NRXN3: variants seen among roughly 807,000 people sequenced by gnomAD.
NRXN3 encodes the protein neurexin 3.
A neutral mutation model predicts 137.6 loss-of-function variants in NRXN3; 32 were observed. That is an observed-to-expected ratio of 0.23 (90% CI 0.18 to 0.31). The LOEUF (loss-of-function observed/expected upper bound fraction) is 0.31, where lower values mean the gene tolerates loss of function less well. Ranked by LOEUF, NRXN3 falls within the 10% of genes least tolerant of loss-of-function variation. NRXN3 has a pLI of 1.00. For synonymous variants in NRXN3, 798 were observed against 784.5 expected, an observed-to-expected ratio of 1.02 and a Z score of -0.29; for missense variants, 1,574 against 2,062.5, an observed-to-expected ratio of 0.76 and a Z score of 4.59.
rs138526201 is a variant in NRXN3 at position 79,527,122 on chromosome 14, C to T, written c.3444+59720C>T. Among the ~76,000 whole-genome samples the T allele has an allele frequency of 1.0e-3, 159 of 151,592 alleles. 1 individual carries two copies. The highest frequency in any genetic ancestry group is 3.4e-3 in the Middle Eastern group (1 of 294). ...CAGCCTGGCAAACATGGTGAAACCC[C>T]GTCTCTACTAAAAATACAAAAATTA... On this transcript the variant is annotated intron_variant, in intron 16 of 20. Coordinates refer to ENST00000335750, the MANE Select transcript of NRXN3 (RefSeq NM_001330195.2).
At chr14:78,263,518 G>A (rs1485441736) in intron 2 of NRXN3, among the ~76,000 whole-genome samples, 1 of 152,042 alleles carries the variant, frequency 6.6e-6, no homozygotes, top group African/African-American at 2.4e-5. Flanking sequence ...AACAGTACGG[G>A]GGTCATATAA....
intron 4 of NRXN3, among the ~76,000 whole-genome samples, chr14:78,545,542 A>G (rs2096629686): frequency 1.3e-5 from 2 of 152,232 alleles, no homozygotes; most frequent in Non-Finnish European, 2.9e-5. Flanking sequence ...AGAAATGTAT[A>G]CAAGTTTTTC....
chr14:79,327,075 C>G (rs923569731), intron 15 of NRXN3, among the ~76,000 whole-genome samples: 1 of 152,164 alleles, frequency 6.6e-6, no homozygotes, highest in East Asian at 1.9e-4. Context: ...CCTTCTTTCC[C>G]TCGCTCCCTT....
At chr14:78,396,943 A>T (rs1278602843) in intron 4 of NRXN3, among the ~76,000 whole-genome samples, 2 of 152,170 alleles carry the variant, frequency 1.3e-5, no homozygotes, top group African/African-American at 4.8e-5. Context: ...TGGCTTACAG[A>T]TGAGAGAGTT....
At chr14:79,735,615 C>G (rs752142698) in intron 19 of NRXN3, among the ~76,000 whole-genome samples, 1 of 152,182 alleles carries the variant, frequency 6.6e-6, no homozygotes, top group Non-Finnish European at 1.5e-5. Context: ...ACTTCACACA[C>G]AGCCACTGTC....
At chr14:79,472,217 T>A (rs1467124737) in intron 16 of NRXN3, among the ~76,000 whole-genome samples, 1 of 152,190 alleles carries the variant, frequency 6.6e-6, no homozygotes, top group African/African-American at 2.4e-5. Flanking sequence ...TATTTCATGA[T>A]TTGCTCAGAT....
intron 17 of NRXN3, among the ~76,000 whole-genome samples, chr14:79,685,117 T>G (rs2098689557): frequency 2.0e-5 from 3 of 152,184 alleles, no homozygotes; most frequent in Admixed American, 2.0e-4. Context: ...GAAGTAATTC[T>G]TGTGGAGTTT....
chr14:78,331,594 AG>A (rs1567282124), intron 4 of NRXN3, among the ~76,000 whole-genome samples: 1 of 152,228 alleles, frequency 6.6e-6, no homozygotes, highest in Non-Finnish European at 1.5e-5. Context: ...GACCAATTAT[AG>A]TTGAATATAA....
chr14:79,691,835 A>T (rs944592835), intron 17 of NRXN3, among the ~76,000 whole-genome samples: 2 of 152,092 alleles, frequency 1.3e-5, no homozygotes, highest in Non-Finnish European at 1.5e-5. Flanking sequence ...GTCATGGGTC[A>T]AGGAGATCCT....
chr14:78,380,570 T>C (rs1429959670), intron 4 of NRXN3, among the ~76,000 whole-genome samples: 1 of 152,124 alleles, frequency 6.6e-6, no homozygotes, highest in Non-Finnish European at 1.5e-5. Context: ...CCAAGAAATG[T>C]TACCAGTGCC....
At chr14:79,489,718 C>G (rs538453288) in intron 16 of NRXN3, among the ~76,000 whole-genome samples, 2 of 152,160 alleles carry the variant, frequency 1.3e-5, no homozygotes, top group East Asian at 3.9e-4. Flanking sequence ...AACCCTTCAC[C>G]AGAAGCAAAT....
At chr14:78,702,798 C>A in intron 6 of NRXN3, among the ~76,000 whole-genome samples, 1 of 152,140 alleles carries the variant, frequency 6.6e-6, no homozygotes, top group Non-Finnish European at 1.5e-5. Flanking sequence ...TTTATTCTGG[C>A]TTTTCTCAGT....
intron 10 of NRXN3, among the ~76,000 whole-genome samples, chr14:78,934,926 G>A (rs150661577): frequency 7.1e-4 from 108 of 151,590 alleles, no homozygotes; most frequent in Middle Eastern, 3.4e-3. Context: ...AGACCTACAC[G>A]TTGTGCACAT....
intron 15 of NRXN3, among the ~76,000 whole-genome samples, chr14:79,145,834 T>C (rs531652195): frequency 1.3e-5 from 2 of 152,328 alleles, no homozygotes. Context: ...CTTGAAATAA[T>C]TGGCAAGAGG....
chr14:79,358,418 AAC>A (rs2093509344), intron 15 of NRXN3, among the ~76,000 whole-genome samples: 2 of 151,518 alleles, frequency 1.3e-5, no homozygotes, highest in Non-Finnish European at 2.9e-5. Flanking sequence ...AAAATACAGA[AAC>A]AAAATCAGCC....
chr14:78,868,825 A>C (rs527631149), intron 10 of NRXN3, among the ~76,000 whole-genome samples: 2 of 148,302 alleles, frequency 1.3e-5, no homozygotes, highest in Non-Finnish European at 3.0e-5. Context: ...CCATCTCAAA[A>C]AAATAAAATA....
At chr14:79,314,944 C>T (rs1335623387) in intron 15 of NRXN3, among the ~76,000 whole-genome samples, 4 of 152,140 alleles carry the variant, frequency 2.6e-5, no homozygotes, top group Admixed American at 2.0e-4. Flanking sequence ...CCAAAAGTAG[C>T]ACAGGGAAGC....
At chr14:78,220,837 G>T (rs188382137) in intron 1 of NRXN3, among the ~76,000 whole-genome samples, 21 of 152,182 alleles carry the variant, frequency 1.4e-4, no homozygotes, top group Admixed American at 3.9e-4. Context: ...TAGCCAGAGG[G>T]GAGAGAAGCA....
At chr14:79,237,521 T>TG (rs2073599782) in intron 15 of NRXN3, among the ~76,000 whole-genome samples, 1 of 152,132 alleles carries the variant, frequency 6.6e-6, no homozygotes, top group South Asian at 2.1e-4. Flanking sequence ...GCTGCAGGGC[T>TG]GGGTGGTCAC....
Sources: allele counts gnomAD v4.1 joint callset (sites outside exome capture counted in the v4.1 genomes callset), GRCh38; gene constraint gnomAD v4.1.1; transcripts MANE v1.5; gene names NCBI Gene and HGNC (gene_info 2026-07-23, HGNC 2026-07-21).